Variants in TSHR observed in about 807,000 individuals in gnomAD.
TSHR encodes thyroid stimulating hormone receptor.
Under a neutral mutation model 64.1 loss-of-function variants are expected in TSHR, and 51 were observed. The observed-to-expected ratio is 0.80, with a 90% CI of 0.64 to 1.01. The LOEUF (loss-of-function observed/expected upper bound fraction) is 1.01. TSHR is among the 50% of genes least tolerant of loss of function. The pLI is 0.00. For missense variants in TSHR, 877 were observed against 942.8 expected, an observed-to-expected ratio of 0.93 and a Z score of 0.91; for synonymous variants, 361 against 361.9, an observed-to-expected ratio of 1.00 and a Z score of 0.03.
rs771512572 is a variant in TSHR at position 81,087,957 on chromosome 14, A to G, written c.321A>G (p.Glu107=). Residue 107 remains glutamate, a synonymous_variant, in exon 4 of 10, where the codon GAA becomes GAG. Coordinates refer to ENST00000298171, the MANE Select transcript of TSHR (RefSeq NM_000369.5). ...GTGTTCCTTGTAACTTATACAGAGAAATTCGGAATACCAGGAACTTAACTT... is the reference window on the plus strand; with the variant it reads ...GTGTTCCTTGTAACTTATACAGAGAGATTCGGAATACCAGGAACTTAACTT... ...FYNLSKVTHI[E]IRNTRNLTYI... is the part of the protein sequence containing the mutation. The G allele has an allele frequency of 6.2e-7, 1 of 1,612,070 alleles. No homozygotes were observed. The highest frequency in any genetic ancestry group is 8.5e-7 in the Non-Finnish European group (1 of 1,178,126).
intron 2 of TSHR, among the ~76,000 whole-genome samples, chr14:81,065,452 T>C (rs1886542839): frequency 6.6e-6 from 1 of 152,066 alleles, no homozygotes; most frequent in Non-Finnish European, 1.5e-5. Context: ...GTTAGAAATT[T>C]GATGAGAAGA....
intron 6 of TSHR, among the ~76,000 whole-genome samples, chr14:81,096,346 T>C (rs1366098310): frequency 2.0e-5 from 3 of 152,214 alleles, no homozygotes; most frequent in African/African-American, 7.2e-5. Flanking sequence ...GTATGTGGAA[T>C]ATTCTTTTAA....
At chr14:81,037,419 C>CAAAAAAAAAAAAAAAAAAAAAAAAAAA (rs748986847) in intron 1 of TSHR, among the ~76,000 whole-genome samples, 2 of 99,154 alleles carry the variant, frequency 2.0e-5, no homozygotes, top group African/African-American at 3.8e-5. Context: ...AAAGGAAATA[C>CAAAAAAAAAAAAAAAAAAAAAAAAAAA]AAAACAAACA....
At chr14:81,042,424 C>T (rs1055903687) in intron 1 of TSHR, among the ~76,000 whole-genome samples, 15 of 151,892 alleles carry the variant, frequency 9.9e-5, no homozygotes, top group African/African-American at 3.6e-4. Context: ...GAAAATGTCA[C>T]AAATATACAC....
intron 3 of TSHR, among the ~76,000 whole-genome samples, chr14:81,087,039 T>C (rs899825586): frequency 6.6e-6 from 1 of 152,252 alleles, no homozygotes. Flanking sequence ...TTGAACTGTA[T>C]GCCTACATAC....
chr14:81,056,393 T>A (rs1885800939), intron 1 of TSHR, among the ~76,000 whole-genome samples: 1 of 152,150 alleles, frequency 6.6e-6, no homozygotes, highest in South Asian at 2.1e-4. Flanking sequence ...CAGGCCCTGG[T>A]CTCATGGGTT....
In TSHR at chr14:81,010,403, T is replaced by A. The variant is rs1254649757; in HGVS notation, c.171-51745T>A. Among the ~76,000 whole-genome samples, 64 of 152,024 alleles carry A rather than the reference T, an allele frequency of 4.2e-4. 1 individual carries two copies. Among genetic ancestry groups the A allele is most frequent in the Non-Finnish European group, 4.4e-5 (3 of 67,974 alleles). On this transcript the variant is annotated intron_variant, in intron 1 of 9. Coordinates refer to ENST00000298171, the MANE Select transcript of TSHR (RefSeq NM_000369.5). ...ATATGTCTAGTTTCTTTTCATTTTG[T>A]CTTTCAATCAGCTCTAATAATTTTC...
At chr14:81,028,766 A>G (rs1163221542) in intron 1 of TSHR, among the ~76,000 whole-genome samples, 1 of 152,168 alleles carries the variant, frequency 6.6e-6, no homozygotes, top group Non-Finnish European at 1.5e-5. Flanking sequence ...GATGTAATAA[A>G]AAATTGAGAG....
At position 80,956,852 on chromosome 14, in the gene TSHR, C is replaced by T. The variant is rs1886720885; in HGVS notation, c.170+1002C>T. Reference sequence around the variant, plus strand: ...TCAGAGATATCCTAGTGTCTTAGCACACCTGAATTAATTAGTTCAATAACC... The same window carrying T: ...TCAGAGATATCCTAGTGTCTTAGCATACCTGAATTAATTAGTTCAATAACC... On this transcript the variant is annotated intron_variant, in intron 1 of 9. Coordinates refer to ENST00000298171, the MANE Select transcript of TSHR (RefSeq NM_000369.5). 4.6e-5 allele frequency among the ~76,000 whole-genome samples: 7 copies of T among 152,252 alleles called. No individual in the cohort carries two copies. The South Asian group carries it at 1.5e-3, about 32-fold the overall frequency.
At chr14:81,138,018 T>C (rs11625193) in intron 8 of TSHR, among the ~76,000 whole-genome samples, 10,684 of 152,152 alleles carry the variant, frequency 0.07, 497 homozygotes, top group African/African-American at 0.13. Flanking sequence ...AAAGGACGGA[T>C]GAGGCCAGAG....
chr14:81,122,863 G>A (rs553003834), intron 8 of TSHR, among the ~76,000 whole-genome samples: 172 of 152,246 alleles, frequency 1.1e-3, no homozygotes, highest in African/African-American at 4.0e-3. Flanking sequence ...GGTGGCTCAG[G>A]CCTGTAATCC....
chr14:81,090,342 T>G (rs1238947018), intron 4 of TSHR, among the ~76,000 whole-genome samples: 1 of 152,164 alleles, frequency 6.6e-6, no homozygotes, highest in Non-Finnish European at 1.5e-5. Flanking sequence ...CCTCCCAGGT[T>G]CAAGTGATTC....
intron 1 of TSHR, among the ~76,000 whole-genome samples, chr14:81,022,352 T>C (rs984273161): frequency 6.6e-6 from 1 of 152,244 alleles, no homozygotes; most frequent in Non-Finnish European, 1.5e-5. Context: ...TTGTGTTGTG[T>C]GCCACAGTGT....
chr14:81,129,833 T>A (rs1424433999), intron 8 of TSHR, among the ~76,000 whole-genome samples: 1 of 152,190 alleles, frequency 6.6e-6, no homozygotes, highest in East Asian at 1.9e-4. Context: ...CTAGATCCCA[T>A]CGCCTCTCAA....
intron 1 of TSHR, among the ~76,000 whole-genome samples, chr14:81,021,452 C>T (rs1883747368): frequency 1.3e-5 from 2 of 152,058 alleles, no homozygotes; most frequent in Admixed American, 1.3e-4. Flanking sequence ...ATTTGTTTTC[C>T]CCAAATCTAC....
chr14:81,135,796 T>A (rs1196365214), intron 8 of TSHR, among the ~76,000 whole-genome samples: 1 of 152,176 alleles, frequency 6.6e-6, no homozygotes, highest in Admixed American at 6.5e-5. Flanking sequence ...CATAGAGAAG[T>A]ACAGAGGAGC....
At chr14:81,102,375 T>C (rs999241520) in intron 7 of TSHR, among the ~76,000 whole-genome samples, 23 of 152,218 alleles carry the variant, frequency 1.5e-4, no homozygotes, top group Non-Finnish European at 2.9e-4. Flanking sequence ...TGACTTACTG[T>C]CTAACTATCC....
At chr14:80,965,313 G>C (rs1209792214) in intron 1 of TSHR, among the ~76,000 whole-genome samples, 1 of 152,202 alleles carries the variant, frequency 6.6e-6, no homozygotes, top group Admixed American at 6.5e-5. Flanking sequence ...TTTACTCATA[G>C]AGCCTCCAGT....
intron 7 of TSHR, 30 bp from the exon 8 acceptor site, chr14:81,108,345 C>CTCTG (rs1566817878): frequency 6.7e-7 from 1 of 1,492,282 alleles, no homozygotes; most frequent in Non-Finnish European, 9.3e-7. Context: ...CTAATTCATT[C>CTCTG]TCTCTCTCTC....
Sources: gnomAD v4.1 joint callset for allele counts (sites outside exome capture counted in the v4.1 genomes callset) on GRCh38, gnomAD v4.1.1 for gene constraint, MANE v1.5 for transcripts, NCBI Gene and HGNC (gene_info 2026-07-23, HGNC 2026-07-21) for gene names.